The following PCSK5 variants were observed in gnomAD, a reference collection of about 807,000 sequenced individuals.
PCSK5 encodes prohormone convertase 5.
A neutral mutation model predicts 233.2 loss-of-function variants in PCSK5; 129 were observed. That is an observed-to-expected ratio of 0.55 (90% CI 0.48 to 0.64). PCSK5 has a LOEUF of 0.64. Ranked by LOEUF, PCSK5 falls within the 30% of genes least tolerant of loss-of-function variation. The pLI is 0.00. For missense variants in PCSK5, 2,076 were observed against 2,430.1 expected (o/e 0.85, Z 3.06); for synonymous variants, 825 against 879.2 (o/e 0.94, Z 1.09).
chr9:76,170,997 G>A (rs1346544161), intron 13 of PCSK5, among the ~76,000 whole-genome samples: 1 of 152,170 alleles, frequency 6.6e-6, no homozygotes, highest in Non-Finnish European at 1.5e-5. Context: ...CAGAATGGTG[G>A]CCAGGTCACA....
At chr9:76,290,269 G>C (rs1828237446) in intron 24 of PCSK5, among the ~76,000 whole-genome samples, 1 of 152,160 alleles carries the variant, frequency 6.6e-6, no homozygotes, top group Non-Finnish European at 1.5e-5. Flanking sequence ...CTTACAATGG[G>C]TTCAGATCCC....
intron 21 of PCSK5, among the ~76,000 whole-genome samples, chr9:76,228,253 GC>G (rs1258205762): frequency 6.6e-6 from 1 of 152,022 alleles, no homozygotes; most frequent in Non-Finnish European, 1.5e-5. Context: ...TGATCTGCCC[GC>G]CTCAGCCTCC....
At chr9:76,189,277 AC>A in intron 19 of PCSK5, 54 bp downstream of exon 19, 2 of 1,505,212 alleles carry the variant, frequency 1.3e-6, no homozygotes, top group Non-Finnish European at 1.8e-6. Flanking sequence ...TCTTTTGATG[AC>A]TATCTTCATA....
intron 10 of PCSK5, among the ~76,000 whole-genome samples, chr9:76,145,392 C>T (rs567302952): frequency 1.8e-4 from 27 of 152,004 alleles, no homozygotes; most frequent in Admixed American, 7.2e-4. Flanking sequence ...ATGTTGGATA[C>T]GTGAGCCCAG....
intron 1 of PCSK5, among the ~76,000 whole-genome samples, chr9:75,922,815 G>T (rs1823311176): frequency 6.6e-6 from 1 of 152,132 alleles, no homozygotes; most frequent in Admixed American, 6.5e-5. Context: ...ACTTGAACCT[G>T]GGAAAATCTG....
intron 24 of PCSK5, among the ~76,000 whole-genome samples, chr9:76,273,885 C>G (rs986429517): frequency 4.7e-5 from 7 of 150,418 alleles, no homozygotes; most frequent in Non-Finnish European, 1.0e-4. Flanking sequence ...CAGGCTCAAG[C>G]AAGCCTCTTG....
intron 3 of PCSK5, among the ~76,000 whole-genome samples, chr9:75,997,904 A>G (rs904486211): frequency 6.6e-6 from 1 of 152,162 alleles, no homozygotes; most frequent in Non-Finnish European, 1.5e-5. Context: ...CTTTTGTTCT[A>G]CTTCTTTTCT....
intron 3 of PCSK5, among the ~76,000 whole-genome samples, chr9:76,008,735 C>T (rs948034041): frequency 2.0e-5 from 3 of 152,142 alleles, no homozygotes; most frequent in Non-Finnish European, 2.9e-5. Flanking sequence ...GCTGGGATTA[C>T]AGGCATGAGC....
At chr9:76,118,160 T>C (rs998355333) in intron 9 of PCSK5, among the ~76,000 whole-genome samples, 7 of 152,098 alleles carry the variant, frequency 4.6e-5, no homozygotes, top group Non-Finnish European at 8.8e-5. Flanking sequence ...GCAATTGTTA[T>C]CAGTTTGTCT....
intron 7 of PCSK5, among the ~76,000 whole-genome samples, chr9:76,081,482 A>G (rs940252357): frequency 6.6e-6 from 1 of 151,192 alleles, no homozygotes; most frequent in African/African-American, 2.4e-5. Context: ...TAAACAAACA[A>G]ACAAATAAAT....
At chr9:76,275,491 C>G (rs569341609) in intron 24 of PCSK5, among the ~76,000 whole-genome samples, 1 of 152,290 alleles carries the variant, frequency 6.6e-6, no homozygotes, top group African/African-American at 2.4e-5. Context: ...GTGGCATGAT[C>G]TTGGCTTACT....
chr9:76,343,331 ATTTGTGTGTG>A (rs1322434559), intron 35 of PCSK5, among the ~76,000 whole-genome samples: 19 of 85,686 alleles, frequency 2.2e-4, no homozygotes, highest in South Asian at 9.8e-4. Context: ...CACCTGGGTA[ATTTGTGTGTG>A]TGTGTGTGTG....
intron 3 of PCSK5, among the ~76,000 whole-genome samples, chr9:76,004,592 G>A (rs956172850): frequency 2.0e-5 from 3 of 152,112 alleles, no homozygotes; most frequent in African/African-American, 7.2e-5. Flanking sequence ...CTTGCGAGGT[G>A]TTGGTTTTCT....
intron 9 of PCSK5, among the ~76,000 whole-genome samples, chr9:76,119,805 C>T (rs567758352): frequency 6.6e-6 from 1 of 152,068 alleles, no homozygotes; most frequent in South Asian, 2.1e-4. Context: ...TCCAATCACT[C>T]TTTTAGTTAT....
intron 35 of PCSK5, among the ~76,000 whole-genome samples, chr9:76,348,342 C>T (rs889006994): frequency 6.6e-6 from 1 of 152,010 alleles, no homozygotes; most frequent in Non-Finnish European, 1.5e-5. Context: ...ACCTGGGAGG[C>T]GAAGTTTGCA....
intron 2 of PCSK5, among the ~76,000 whole-genome samples, chr9:75,948,552 G>T (rs944805836): frequency 6.6e-6 from 1 of 151,974 alleles, no homozygotes; most frequent in African/African-American, 2.4e-5. Flanking sequence ...TCTTAATCCA[G>T]TCTATCATCG....
chr9:76,165,756 G>A (rs1287615081), intron 12 of PCSK5, among the ~76,000 whole-genome samples: 2 of 152,194 alleles, frequency 1.3e-5, no homozygotes, highest in African/African-American at 2.4e-5. Flanking sequence ...CAGCACACTG[G>A]CTCTGCTTTA....
chr9:76,261,037 C>T (rs893405628), intron 24 of PCSK5, among the ~76,000 whole-genome samples: 1 of 152,092 alleles, frequency 6.6e-6, no homozygotes, highest in African/African-American at 2.4e-5. Context: ...CTCTTAGTTG[C>T]CTTACAAGAA....
Position 75,891,080 on chromosome 9 carries a change from C to T in PCSK5, c.-102C>T, listed in dbSNP as rs543006029. Reference sequence around the variant, plus strand: ...CCCGGGGCTGCGAGCTGCGGCGGCCCGGGGCTGCTCGCCGGGCGGCGCAGG... The same window carrying T: ...CCCGGGGCTGCGAGCTGCGGCGGCCTGGGGCTGCTCGCCGGGCGGCGCAGG... On this transcript the variant is annotated 5_prime_UTR_variant, in exon 1 of 38. Transcript: ENST00000674117. 2.6e-6 allele frequency: 3 copies of T among 1,136,228 alleles called. No individual in the cohort carries two copies. The highest frequency in any genetic ancestry group is 8.4e-5 in the Admixed American group (2 of 23,856). The allele number at this position is 1,136,228 out of a possible 1,614,324, so 70.4% of individuals were successfully genotyped here.
Sources: gnomAD v4.1 joint callset for allele counts (sites outside exome capture counted in the v4.1 genomes callset) on GRCh38, gnomAD v4.1.1 for gene constraint, MANE v1.5 for transcripts, NCBI Gene and HGNC (gene_info 2026-07-23, HGNC 2026-07-21) for gene names.